PTPRD: variants seen among roughly 807,000 people sequenced by gnomAD.
PTPRD encodes receptor-type tyrosine-protein phosphatase delta.
A neutral mutation model predicts 214.5 loss-of-function variants in PTPRD; 34 were observed. The ratio of observed to expected loss-of-function variants is 0.16; its 90% CI spans 0.12 to 0.21. PTPRD has a LOEUF of 0.21. Among genes scored for constraint, PTPRD ranks in the 10% least tolerant of loss-of-function variants. PTPRD has a pLI of 1.00. For missense variants in PTPRD, 2,545 were observed against 2,398.7 expected (o/e 1.06, Z -1.27); for synonymous variants, 1,128 against 845.7 (o/e 1.33, Z -5.79).
chr9:9,869,262 T>G (rs1459221502), intron 5 of PTPRD, among the ~76,000 whole-genome samples: 2 of 152,188 alleles, frequency 1.3e-5, no homozygotes, highest in African/African-American at 4.8e-5. Context: ...GTCTTCTTTA[T>G]GGAAGTCTTG....
rs2136821399 is a variant in PTPRD, at chr9:8,499,727, G to A, written c.2242C>T (p.Gln748Ter). ...NKQHGQIRGY[Q>*]VHYVRMENGE... ...TTTTCCATCCTCACATAATGCACCT[G>A]ATATCCTCTTATCTGGCCATGCTGT... The change falls in exon 25 of 46, where the codon CAG becomes TAG. Residue 748 changes from glutamine (Q) to a stop codon, truncating the protein, a stop_gained. Transcript: ENST00000381196. LOFTEE classifies it high-confidence loss of function. 1 of 1,614,132 alleles carries A rather than the reference G, an allele frequency of 6.2e-7. No homozygotes were observed.
chr9:10,380,326 A>C (rs536289644), intron 2 of PTPRD, among the ~76,000 whole-genome samples: 3 of 152,208 alleles, frequency 2.0e-5, no homozygotes, highest in South Asian at 4.1e-4. Context: ...ATGAGAGCAA[A>C]CCATGTACAA....
intron 6 of PTPRD, among the ~76,000 whole-genome samples, chr9:9,755,499 G>A (rs1271780616): frequency 1.3e-5 from 2 of 152,054 alleles, no homozygotes; most frequent in Non-Finnish European, 2.9e-5. Context: ...TTGGAGGCAA[G>A]CTGATCTGCT....
chr9:9,105,933 G>A (rs932199459), intron 10 of PTPRD, among the ~76,000 whole-genome samples: 2 of 152,200 alleles, frequency 1.3e-5, no homozygotes, highest in African/African-American at 2.4e-5. Flanking sequence ...GGGTTGGGAA[G>A]TGGAGGGAAG....
At chr9:9,119,508 T>C (rs2099815585) in intron 10 of PTPRD, among the ~76,000 whole-genome samples, 1 of 152,068 alleles carries the variant, frequency 6.6e-6, no homozygotes, top group African/African-American at 2.4e-5. Flanking sequence ...CTTTGCAAGA[T>C]TAGATGACTA....
At chr9:9,016,655 C>A (rs545741986) in intron 11 of PTPRD, among the ~76,000 whole-genome samples, 2 of 152,200 alleles carry the variant, frequency 1.3e-5, no homozygotes, top group African/African-American at 4.8e-5. Context: ...GTTTGACCTA[C>A]CCCCTAAATG....
intron 10 of PTPRD, among the ~76,000 whole-genome samples, chr9:9,039,856 C>T (rs1161331696): frequency 6.6e-6 from 1 of 152,146 alleles, no homozygotes; most frequent in Non-Finnish European, 1.5e-5. Context: ...CTAACAATTA[C>T]AATATCTGAG....
intron 4 of PTPRD, among the ~76,000 whole-genome samples, chr9:9,972,851 G>C (rs1036558319): frequency 7.9e-5 from 12 of 151,974 alleles, no homozygotes; most frequent in Admixed American, 6.6e-5. Context: ...TTCTTATAAG[G>C]AGCCTTCTGA....
chr9:10,375,166 A>C (rs1041739686), intron 2 of PTPRD, among the ~76,000 whole-genome samples: 1 of 152,046 alleles, frequency 6.6e-6, no homozygotes, highest in African/African-American at 2.4e-5. Context: ...ATATTTTCAG[A>C]CCACTTCTTA....
At position 10,190,278 on chromosome 9, in the gene PTPRD, A is replaced by G. The variant is rs546841156; in HGVS notation, c.-545+150685T>C. ...CTACTTGGGTGGCTGAGACAGGACA[A>G]TTGCTTGAACCAGGAGGTGGAGGTT... is the stretch of plus-strand genomic sequence containing the variant. On this transcript the variant is annotated intron_variant, in intron 3 of 45. Coordinates refer to ENST00000381196, the MANE Select transcript of PTPRD (RefSeq NM_002839.4). 7.8e-4 allele frequency among the ~76,000 whole-genome samples: 117 copies of G among 150,572 alleles called. 1 individual carries two copies. The highest frequency in any genetic ancestry group is 2.6e-3 in the African/African-American group (106 of 41,246).
At chr9:9,261,417 T>G (rs1272805714) in intron 9 of PTPRD, among the ~76,000 whole-genome samples, 1 of 151,856 alleles carries the variant, frequency 6.6e-6, no homozygotes, top group Non-Finnish European at 1.5e-5. Context: ...AGGAAATCTG[T>G]GGTAGGTACT....
At chr9:9,366,337 G>C (rs940192340) in intron 9 of PTPRD, among the ~76,000 whole-genome samples, 2 of 151,434 alleles carry the variant, frequency 1.3e-5, no homozygotes, top group Admixed American at 6.6e-5. Flanking sequence ...GATTTTGAAA[G>C]CTTTATAAAT....
chr9:8,857,810 C>G (rs2097964213), intron 11 of PTPRD: 1 of 155,890 alleles, frequency 6.4e-6, no homozygotes, highest in Non-Finnish European at 1.4e-5. Flanking sequence ...CCGCCGCCGC[C>G]CAGCCCTCGT....
chr9:8,664,001 G>A (rs1007986262), intron 12 of PTPRD, among the ~76,000 whole-genome samples: 4 of 151,646 alleles, frequency 2.6e-5, no homozygotes, highest in African/African-American at 9.7e-5. Flanking sequence ...GATCTTTCCG[G>A]ATGTCATGGA....
intron 2 of PTPRD, among the ~76,000 whole-genome samples, chr9:10,445,068 A>G (rs192147787): frequency 5.9e-5 from 9 of 152,150 alleles, no homozygotes; most frequent in Non-Finnish European, 1.0e-4. Context: ...AGAGGATTTC[A>G]AACATTATGG....
intron 11 of PTPRD, among the ~76,000 whole-genome samples, chr9:8,849,478 G>A (rs765390102): frequency 1.3e-5 from 2 of 152,098 alleles, no homozygotes; most frequent in African/African-American, 4.8e-5. Flanking sequence ...CACCGGCCTC[G>A]GCCTCCCAAA....
intron 11 of PTPRD, among the ~76,000 whole-genome samples, chr9:8,783,163 A>G (rs967111969): frequency 6.6e-6 from 1 of 152,186 alleles, no homozygotes; most frequent in Non-Finnish European, 1.5e-5. Context: ...GAAGAACGGA[A>G]ATTTTCATAA....
At chr9:8,386,859 G>A (rs1388796023) in intron 37 of PTPRD, among the ~76,000 whole-genome samples, 1 of 152,128 alleles carries the variant, frequency 6.6e-6, no homozygotes, top group African/African-American at 2.4e-5. Flanking sequence ...ATGATGGGAG[G>A]GAGGAAGACG....
chr9:9,531,867 T>C (rs1220067847), intron 8 of PTPRD, among the ~76,000 whole-genome samples: 2 of 152,064 alleles, frequency 1.3e-5, no homozygotes, highest in Non-Finnish European at 2.9e-5. Flanking sequence ...ATAGTATGGC[T>C]GATGAGGTTA....
Sources: allele counts gnomAD v4.1 joint callset (sites outside exome capture counted in the v4.1 genomes callset), GRCh38; gene constraint gnomAD v4.1.1; transcripts MANE v1.5; gene names NCBI Gene and HGNC (gene_info 2026-07-23, HGNC 2026-07-21).